FN3KRP: variants seen among roughly 807,000 people sequenced by gnomAD.
FN3KRP encodes the protein ketosamine-3-kinase.
Under a neutral mutation model 29.8 loss-of-function variants are expected in FN3KRP, and 33 were observed. The observed-to-expected ratio is 1.11, with a 90% CI of 0.84 to 1.48. The LOEUF is 1.48. Among genes scored for constraint, FN3KRP ranks in the 40% most tolerant of loss-of-function variants. FN3KRP has a pLI of 0.00. For synonymous variants in FN3KRP, 157 were observed against 155.2 expected (o/e 1.01, Z -0.09); for missense variants, 430 against 402.6 (o/e 1.07, Z -0.58).
intron 3 of FN3KRP, 127 bp downstream of exon 3, chr17:82,720,490 A>T: frequency 1.5e-6 from 1 of 655,720 alleles, no homozygotes; most frequent in Non-Finnish European, 2.6e-6. Flanking sequence ...GAGCAAGGGA[A>T]TGTCGGCCTT....
chr17:82,720,239 C>T (rs1220407212), intron 2 of FN3KRP, 33 bp from the exon 3 acceptor site: 2 of 1,573,166 alleles, frequency 1.3e-6, no homozygotes, highest in South Asian at 1.1e-5. Flanking sequence ...TTCTGTGTGT[C>T]ATCTGTTTAG....
chr17:82,720,210 A>G (rs1318811445), intron 2 of FN3KRP, 62 bp from the exon 3 acceptor site: 1 of 1,337,080 alleles, frequency 7.5e-7, no homozygotes, highest in East Asian at 2.3e-5. Context: ...CCTGAGACTG[A>G]GCAGTGGGTG....
chr17:82,720,071 C>A (rs995250997), intron 2 of FN3KRP, among the ~76,000 whole-genome samples: 4 of 152,118 alleles, frequency 2.6e-5, no homozygotes, highest in Non-Finnish European at 2.9e-5. Context: ...GAGGCTGAGG[C>A]AGGAGAATCG....
chr17:82,726,636 C>A (rs934648762), intron 5 of FN3KRP, 34 bp downstream of exon 5: 11 of 1,590,566 alleles, frequency 6.9e-6, no homozygotes, highest in Non-Finnish European at 9.4e-6. Flanking sequence ...CCAGCACCTG[C>A]CACACACCCC....
chr17:82,723,674 TATGTGTGCAGGC>T (rs1568061511), intron 4 of FN3KRP, among the ~76,000 whole-genome samples: 4 of 151,398 alleles, frequency 2.6e-5, no homozygotes, highest in African/African-American at 9.8e-5. Context: ...CGCGCACATG[TATGTGTGCAGGC>T]GTGTGTGCGC....
chr17:82,719,320 A>G (rs1047965827), intron 2 of FN3KRP, among the ~76,000 whole-genome samples: 1 of 152,364 alleles, frequency 6.6e-6, no homozygotes, highest in East Asian at 1.9e-4. Flanking sequence ...TGAAGCTTGT[A>G]CTGGGGACAT....
At chr17:82,725,900 G>A (rs1336248176) in intron 4 of FN3KRP, among the ~76,000 whole-genome samples, 1 of 152,204 alleles carries the variant, frequency 6.6e-6, no homozygotes, top group Non-Finnish European at 1.5e-5. Context: ...AGGGCCAGGT[G>A]CAGTGGCCCA....
chr17:82,717,274 G>C (rs1272899178), intron 1 of FN3KRP, among the ~76,000 whole-genome samples: 2 of 152,190 alleles, frequency 1.3e-5, no homozygotes, highest in African/African-American at 4.8e-5. Context: ...CGTTCTAGCC[G>C]GGGAAGCTGC....
chr17:82,719,459 A>C (rs2046783319), intron 2 of FN3KRP, among the ~76,000 whole-genome samples: 1 of 152,260 alleles, frequency 6.6e-6, no homozygotes, highest in African/African-American at 2.4e-5. Context: ...ATGCTGACCA[A>C]AGGCCTCGCT....
chr17:82,723,206 A>AT (rs1206512542), intron 4 of FN3KRP, among the ~76,000 whole-genome samples: 1 of 152,150 alleles, frequency 6.6e-6, no homozygotes, highest in Non-Finnish European at 1.5e-5. Flanking sequence ...TGGTTGTGTG[A>AT]TTTTATGGTG....
intron 4 of FN3KRP, among the ~76,000 whole-genome samples, chr17:82,725,797 A>G (rs925471168): frequency 1.3e-5 from 2 of 152,364 alleles, no homozygotes; most frequent in African/African-American, 2.4e-5. Context: ...TACTATGACA[A>G]GGAAAATCCA....
At chr17:82,725,148 G>A (rs117612254) in intron 4 of FN3KRP, among the ~76,000 whole-genome samples, 3,525 of 152,018 alleles carry the variant, frequency 0.023, 64 homozygotes, top group Non-Finnish European at 0.039. Context: ...AATTTTAAAA[G>A]ATAGAGTCTC....
In FN3KRP at chr17:82,727,219, C is replaced by T. The variant is rs762622947; in HGVS notation, c.*48C>T. 1 of 1,522,086 alleles carries T rather than the reference C, an allele frequency of 6.6e-7. No individual in the cohort carries two copies. Among genetic ancestry groups the T allele is most frequent in the Non-Finnish European group, 8.9e-7 (1 of 1,118,900 alleles). The allele number at this position is 1,522,086 out of a possible 1,614,324, so 94.3% of individuals were successfully genotyped here. On this transcript the variant is annotated 3_prime_UTR_variant, in exon 6 of 6. Transcript: ENST00000269373. Reference sequence around the variant, plus strand: ...GCCTCAGAGGTTTCTCCACAGTCCTCTTCTGGGCAAATTCTTGTTTCTTCA... The same window carrying T: ...GCCTCAGAGGTTTCTCCACAGTCCTTTTCTGGGCAAATTCTTGTTTCTTCA...
At chr17:82,722,765 C>G (rs2046807148) in intron 3 of FN3KRP, 39 bp from the exon 4 acceptor site, 3 of 1,603,328 alleles carry the variant, frequency 1.9e-6, no homozygotes, top group Non-Finnish European at 1.7e-6. Flanking sequence ...GCTGGGATCC[C>G]TTGGAACTAA....
Position 82,726,976 on chromosome 17 carries a change from G to T in FN3KRP, c.735G>T (p.Glu245Asp). 6.2e-7 allele frequency: 1 copy of T among 1,614,100 alleles called. No homozygotes were observed. The highest frequency in any genetic ancestry group is 8.5e-7 in the Non-Finnish European group (1 of 1,180,012). The change falls in exon 6 of 6, where the codon GAG becomes GAT. Residue 245 changes from glutamate (E) to aspartate (D), a missense_variant. By Grantham distance (45) the Glu-to-Asp change is conservative (BLOSUM62 2). Coordinates refer to ENST00000269373, the MANE Select transcript of FN3KRP (RefSeq NM_024619.4). The part of the protein sequence containing the change: ...PASFYGHSEY[E>D]LAIAGMFGGF... ...CTTTCTACGGCCACTCGGAATATGA[G>T]CTGGCAATAGCTGGCATGTTTGGGG...
At chr17:82,721,450 G>A (rs2046797523) in intron 3 of FN3KRP, among the ~76,000 whole-genome samples, 1 of 152,046 alleles carries the variant, frequency 6.6e-6, no homozygotes, top group Non-Finnish European at 1.5e-5. Context: ...GCCACTGAGA[G>A]CCATCCTTTC....
At chr17:82,716,958 C>CGGCGCGG (rs1316245526) in intron 1 of FN3KRP, 62 bp downstream of exon 1, 43 of 1,512,548 alleles carry the variant, frequency 2.8e-5, no homozygotes, top group Non-Finnish European at 3.6e-5. Context: ...TCGCGGGCCT[C>CGGCGCGG]GGCGCGGGGC....
intron 3 of FN3KRP, 44 bp downstream of exon 3, chr17:82,720,407 AC>A: frequency 6.6e-7 from 1 of 1,523,610 alleles, no homozygotes. Context: ...CTAGAGGAGG[AC>A]GTTCAGCCGG....
chr17:82,721,467 A>G (rs1304776253), intron 3 of FN3KRP, among the ~76,000 whole-genome samples: 1 of 152,070 alleles, frequency 6.6e-6, no homozygotes, highest in Admixed American at 6.6e-5. Context: ...TTTCTGATGG[A>G]TTGGGGGCAG....
Sources: gnomAD v4.1 joint callset for allele counts (sites outside exome capture counted in the v4.1 genomes callset) on GRCh38, gnomAD v4.1.1 for gene constraint, MANE v1.5 for transcripts, NCBI Gene and HGNC (gene_info 2026-07-23, HGNC 2026-07-21) for gene names.